The following ROBO2 variants were observed in gnomAD, a reference collection of about 807,000 sequenced individuals.
ROBO2 encodes the protein roundabout guidance receptor 2, also known as roundabout homolog 2.
ROBO2 carries 53 observed loss-of-function variants against 160.8 expected under a neutral mutation model. The observed-to-expected ratio is 0.33, with a 90% confidence interval of 0.26 to 0.41. ROBO2 has a LOEUF of 0.41. ROBO2 is among the 10% of genes least tolerant of loss of function. The pLI, the probability that ROBO2 is intolerant of heterozygous loss-of-function variation, is 1.00. For missense variants in ROBO2, 1,577 were observed against 1,722.4 expected, an observed-to-expected ratio of 0.92 and a Z score of 1.49; for synonymous variants, 664 against 611.7, an observed-to-expected ratio of 1.09 and a Z score of -1.26.
chr3:76,662,880 G>A (rs1445775111), intron 2 of ROBO2, among the ~76,000 whole-genome samples: 2 of 152,122 alleles, frequency 1.3e-5, no homozygotes, highest in Admixed American at 6.6e-5. Context: ...GACATGGAGT[G>A]TCCTTCACCA....
chr3:76,196,766 G>A (rs1702281077), intron 2 of ROBO2, among the ~76,000 whole-genome samples: 1 of 152,008 alleles, frequency 6.6e-6, no homozygotes, highest in Non-Finnish European at 1.5e-5. Context: ...TTTTTATTCT[G>A]CTCTTTTCCC....
At chr3:76,943,086 T>A (rs2078298608) in intron 2 of ROBO2, among the ~76,000 whole-genome samples, 1 of 152,198 alleles carries the variant, frequency 6.6e-6, no homozygotes, top group African/African-American at 2.4e-5. Flanking sequence ...TTCAGCTAAG[T>A]ATGGAGAGGT....
intron 24 of ROBO2, among the ~76,000 whole-genome samples, chr3:77,641,772 G>T (rs377306480): frequency 6.6e-6 from 1 of 151,958 alleles, no homozygotes; most frequent in East Asian, 1.9e-4. Context: ...ACTTAAAAGA[G>T]AAAGAAAGAA....
At chr3:77,259,438 T>TAA (rs2058639634) in intron 2 of ROBO2, among the ~76,000 whole-genome samples, 1 of 152,098 alleles carries the variant, frequency 6.6e-6, no homozygotes, top group Admixed American at 6.6e-5. Context: ...AATAAAGAAA[T>TAA]AAAAATATTA....
intron 2 of ROBO2, among the ~76,000 whole-genome samples, chr3:77,327,773 G>T (rs931616332): frequency 6.6e-6 from 1 of 152,130 alleles, no homozygotes; most frequent in African/African-American, 2.4e-5. Context: ...TTAATGGCCA[G>T]GTGTCGTGGC....
chr3:76,807,927 T>C lies in ROBO2; in HGVS notation c.110-290087T>C, dbSNP rs1250255031. 3.3e-5 allele frequency among the ~76,000 whole-genome samples: 5 copies of C among 152,198 alleles called. No individual in the cohort carries two copies. In the East Asian group the frequency reaches 9.6e-4, roughly 29 times the overall value. ...GGACGGTTAATGCCTAAAGGATTTA[T>C]TATTATTTTACAGACCATCAAATTA... On this transcript the variant is annotated intron_variant, in intron 2 of 26. Coordinates refer to the ROBO2 transcript ENST00000487694.
intron 2 of ROBO2, among the ~76,000 whole-genome samples, chr3:76,833,113 G>A (rs2067229197): frequency 6.6e-6 from 1 of 152,094 alleles, no homozygotes; most frequent in African/African-American, 2.4e-5. Context: ...TATGGGATTA[G>A]GACCTTTTAA....
At chr3:76,332,788 A>T (rs1444163306) in intron 2 of ROBO2, among the ~76,000 whole-genome samples, 1 of 152,192 alleles carries the variant, frequency 6.6e-6, no homozygotes, top group East Asian at 1.9e-4. Context: ...ATTCCAGATG[A>T]TTCATCCATA....
chr3:76,553,991 C>G (rs2108391473), intron 2 of ROBO2, among the ~76,000 whole-genome samples: 1 of 152,186 alleles, frequency 6.6e-6, no homozygotes, highest in South Asian at 2.1e-4. Context: ...ATATGCATAC[C>G]AGGAGACCCA....
intron 2 of ROBO2, among the ~76,000 whole-genome samples, chr3:77,300,582 A>G (rs375986604): frequency 2.6e-5 from 4 of 152,256 alleles, no homozygotes; most frequent in Admixed American, 6.5e-5. Flanking sequence ...TTAAAAAAAA[A>G]ATAAATTGTT....
chr3:76,336,143 T>C (rs1280385182), intron 2 of ROBO2, among the ~76,000 whole-genome samples: 1 of 152,194 alleles, frequency 6.6e-6, no homozygotes, highest in East Asian at 1.9e-4. Context: ...GTGTTATTGA[T>C]ATACAGTGAC....
chr3:77,585,256 A>T (rs1272350726), intron 16 of ROBO2, among the ~76,000 whole-genome samples: 2 of 150,594 alleles, frequency 1.3e-5, no homozygotes, highest in African/African-American at 4.9e-5. Flanking sequence ...TATTTGGGGG[A>T]TTTATTTCCT....
At chr3:76,239,106 A>C (rs1031542202) in intron 2 of ROBO2, among the ~76,000 whole-genome samples, 1 of 152,144 alleles carries the variant, frequency 6.6e-6, no homozygotes. Context: ...AGCTGATTTC[A>C]GTGCTCACTA....
chr3:76,719,654 C>T (rs1477836076), intron 2 of ROBO2, among the ~76,000 whole-genome samples: 11 of 152,196 alleles, frequency 7.2e-5, no homozygotes, highest in Middle Eastern at 3.4e-3. Flanking sequence ...GAGGCCGAGG[C>T]GGGTGGATCG....
chr3:77,026,439 A>G (rs1481366346), intron 2 of ROBO2, among the ~76,000 whole-genome samples: 2 of 152,180 alleles, frequency 1.3e-5, no homozygotes, highest in African/African-American at 4.8e-5. Flanking sequence ...TCACATAAAT[A>G]CAAGCATGAT....
chr3:77,108,439 C>T (rs2073149530), intron 2 of ROBO2, among the ~76,000 whole-genome samples: 2 of 151,940 alleles, frequency 1.3e-5, no homozygotes, highest in South Asian at 4.1e-4. Flanking sequence ...CTTGGCCTCA[C>T]GAAGTGCTAG....
chr3:77,058,645 A>T (rs1438755571), intron 1 of ROBO2, among the ~76,000 whole-genome samples: 1 of 151,028 alleles, frequency 6.6e-6, no homozygotes, highest in Non-Finnish European at 1.5e-5. Context: ...TGGTCCTCTC[A>T]CTTCAGCTTG....
intron 2 of ROBO2, among the ~76,000 whole-genome samples, chr3:76,803,601 T>G (rs567554526): frequency 6.6e-6 from 1 of 152,192 alleles, no homozygotes; most frequent in East Asian, 1.9e-4. Flanking sequence ...TACAAACTTA[T>G]CTTTCTCTAC....
intron 2 of ROBO2, among the ~76,000 whole-genome samples, chr3:75,998,672 G>A (rs1018782716): frequency 1.3e-5 from 2 of 152,118 alleles, no homozygotes; most frequent in East Asian, 1.9e-4. Flanking sequence ...TGCAGCAGGC[G>A]TATCCCTCTC....
Sources: gnomAD v4.1 joint callset for allele counts (sites outside exome capture counted in the v4.1 genomes callset) on GRCh38, gnomAD v4.1.1 for gene constraint, MANE v1.5 for transcripts, NCBI Gene and HGNC (gene_info 2026-07-23, HGNC 2026-07-21) for gene names.